NSD3: variants seen among roughly 807,000 people sequenced by gnomAD.
NSD3 encodes the protein nuclear receptor binding SET domain protein 3, also known as histone-lysine N-methyltransferase NSD3.
A neutral mutation model predicts 160.8 loss-of-function variants in NSD3; 24 were observed. That is an observed-to-expected ratio of 0.15 (90% CI 0.11 to 0.21). NSD3 has a LOEUF of 0.21. NSD3 is among the 10% of genes least tolerant of loss of function. The pLI is 1.00. For synonymous variants in NSD3, 520 were observed against 600.0 expected, an observed-to-expected ratio of 0.87 and a Z score of 1.95; for missense variants, 1,157 against 1,735.9, an observed-to-expected ratio of 0.67 and a Z score of 5.93.
intron 6 of NSD3, among the ~76,000 whole-genome samples, chr8:38,328,791 A>G (rs1809975338): frequency 6.6e-6 from 1 of 152,210 alleles, no homozygotes; most frequent in Non-Finnish European, 1.5e-5. Context: ...ATGGAGGCCC[A>G]GGACAAACTG....
chr8:38,289,444 G>A lies in NSD3; in HGVS notation c.3180C>T (p.Ala1060=). 6.2e-7 allele frequency: 1 copy of A among 1,613,662 alleles called. No homozygotes were observed. The highest frequency in any genetic ancestry group is 8.5e-7 in the Non-Finnish European group (1 of 1,179,886). ...ELKAQRESKE[A]LEIEKNSRKP... ...TTCTTGAGTTTTTTTCAATCTCTAG[G>A]GCTTCTTTACTTTCTCTTTGTGCTT... The change falls in exon 18 of 24, where the codon GCC becomes GCT. Residue 1060 remains alanine, a synonymous_variant. Coordinates refer to ENST00000317025, the MANE Select transcript of NSD3 (RefSeq NM_023034.2).
At position 38,281,542 on chromosome 8, in the gene NSD3, T is replaced by A. The variant is rs766776170; in HGVS notation, c.3543A>T (p.Glu1181Asp). 4.4e-6 allele frequency: 7 copies of A among 1,607,940 alleles called. No homozygotes were observed. Among genetic ancestry groups the A allele is most frequent in the Non-Finnish European group, 5.9e-6 (7 of 1,176,912 alleles). ...VNEYVGELID[E>D]EECRLRIKRA... Reference sequence around the variant, plus strand: ...GCTTGATTCGCAATCTGCATTCTTCTTCATCAATTAATTCACCGACGTATT... The same window carrying A: ...GCTTGATTCGCAATCTGCATTCTTCATCATCAATTAATTCACCGACGTATT... Residue 1181 changes from glutamate (E) to aspartate (D), a missense_variant, in exon 20 of 24, where the codon GAA (glutamate) becomes GAT (aspartate). Around this residue, in one of 10 missense-constraint regions of NSD3, gnomAD observed 222 missense variants for 409.9 expected, o/e 0.54. Transcript: ENST00000317025.
intron 2 of NSD3, among the ~76,000 whole-genome samples, chr8:38,343,528 C>A (rs1371705006): frequency 6.6e-6 from 1 of 151,998 alleles, no homozygotes; most frequent in Admixed American, 6.6e-5. Context: ...CATAATGAAA[C>A]CCCATCTCTA....
At chr8:38,281,365 C>A in intron 20 of NSD3, 102 bp downstream of exon 20, 1 of 567,382 alleles carries the variant, frequency 1.8e-6, no homozygotes, top group Non-Finnish European at 2.8e-6. Context: ...TATGCTCTGC[C>A]TGAAGAAAAA....
At chr8:38,333,152 A>G (rs1427830631) in intron 4 of NSD3, among the ~76,000 whole-genome samples, 1 of 152,240 alleles carries the variant, frequency 6.6e-6, no homozygotes, top group East Asian at 1.9e-4. Context: ...ATGTTTCCAA[A>G]CATCAGAGTT....
In NSD3 at chr8:38,331,612, T is replaced by C. The variant is rs547229618; in HGVS notation, c.911-27A>G. 76 of 1,609,074 alleles carry C rather than the reference T, an allele frequency of 4.7e-5. No homozygotes were observed. The South Asian group carries it at 7.7e-4, about 16-fold the overall frequency. ...TGTAAGTAAAAATTCTTATTAACCA[T>C]TTCAGAACATAAGCATTCACATCTA... On this transcript the variant is annotated intron_variant, in intron 4 of 23. Transcript: ENST00000317025.
intron 1 of NSD3, among the ~76,000 whole-genome samples, chr8:38,357,735 C>A (rs1351951235): frequency 6.6e-6 from 1 of 152,100 alleles, no homozygotes; most frequent in Admixed American, 6.6e-5. Context: ...CTCTTGGAAC[C>A]TAACTCAAAG....
intron 1 of NSD3, among the ~76,000 whole-genome samples, chr8:38,359,646 C>G (rs1266764757): frequency 6.6e-6 from 1 of 152,236 alleles, no homozygotes; most frequent in African/African-American, 2.4e-5. Flanking sequence ...AGGATCTAAT[C>G]TAGCCCTCAC....
intron 8 of NSD3, 164 bp downstream of exon 8, chr8:38,320,908 G>A (rs1269896309): frequency 2.0e-6 from 1 of 505,840 alleles, no homozygotes; most frequent in Non-Finnish European, 3.4e-6. Flanking sequence ...CACAGGGATG[G>A]CTGTATTAAA....
chr8:38,327,611 C>A lies in NSD3; in HGVS notation c.1582-755G>T, dbSNP rs116280996. 5.9e-3 allele frequency among the ~76,000 whole-genome samples: 898 copies of A among 152,246 alleles called. 8 individuals carry two copies. Among genetic ancestry groups the A allele is most frequent in the African/African-American group, 0.02 (847 of 41,550 alleles). On this transcript the variant is annotated intron_variant, in intron 6 of 23. Transcript: ENST00000317025. The stretch of plus-strand genomic sequence containing the variant: ...GTGATAAATGTCACTAAAAAATATA[C>A]CTGTATCACTCAATTTTCTATAAAA...
chr8:38,324,659 T>C (rs976766710), intron 7 of NSD3, among the ~76,000 whole-genome samples: 3 of 152,162 alleles, frequency 2.0e-5, no homozygotes, highest in Admixed American at 6.5e-5. Flanking sequence ...ATTTCCTGCA[T>C]AATATAAGTG....
In NSD3 at chr8:38,317,015, A is replaced by C; in HGVS notation, c.1856-973T>G. 4 of 1,059,480 alleles carry C rather than the reference A, an allele frequency of 3.8e-6. No homozygotes were observed. Among genetic ancestry groups the C allele is most frequent in the Non-Finnish European group, 4.6e-6 (4 of 875,636 alleles). The allele number at this position is 1,059,480 out of a possible 1,614,324, so 65.6% of individuals were successfully genotyped here. On this transcript the variant is annotated intron_variant, in intron 9 of 23. Transcript: ENST00000317025. This position sits in a 1 kb window ranked among gnomAD's most constrained non-coding sequence, Gnocchi z 5.3. ...GTTTGTGTTTTGGATTTTTTCCCCC[A>C]AAATTTCCATACAACAAACAGACAT...
intron 2 of NSD3, among the ~76,000 whole-genome samples, chr8:38,342,157 T>C (rs910213608): frequency 2.0e-5 from 3 of 152,214 alleles, no homozygotes; most frequent in Non-Finnish European, 2.9e-5. Context: ...GAGGATTTAT[T>C]CTAAGCTTTC....
chr8:38,332,421 G>A (rs753504335), intron 4 of NSD3, among the ~76,000 whole-genome samples: 9 of 152,162 alleles, frequency 5.9e-5, no homozygotes, highest in Non-Finnish European at 1.0e-4. Context: ...ACAGGTGTGA[G>A]CCACTGCGCC....
chr8:38,331,658 T>C (rs759928647), intron 4 of NSD3, 73 bp from the exon 5 acceptor site: 77 of 1,521,736 alleles, frequency 5.1e-5, no homozygotes, highest in Admixed American at 7.5e-5. Flanking sequence ...AATGGGAATC[T>C]AACCCAGGTT....
At chr8:38,379,279 A>G (rs1811480975) in intron 1 of NSD3, among the ~76,000 whole-genome samples, 1 of 151,954 alleles carries the variant, frequency 6.6e-6, no homozygotes, top group African/African-American at 2.4e-5. Flanking sequence ...CTGCATACAT[A>G]AAAATAAACT....
chr8:38,376,096 A>AT (rs1009098698), intron 1 of NSD3, among the ~76,000 whole-genome samples: 8 of 151,590 alleles, frequency 5.3e-5, no homozygotes, highest in Non-Finnish European at 1.0e-4. Flanking sequence ...CAATGTCTCT[A>AT]TTTTTTTTCC....
rs1304246164 is a variant in NSD3, at chr8:38,288,471, C to G, written c.3501+16G>C. 1.9e-6 allele frequency: 3 copies of G among 1,611,614 alleles called. No individual in the cohort carries two copies. In the African/African-American group the frequency reaches 4.0e-5, roughly 22 times the overall value. On this transcript the variant is annotated intron_variant, in intron 19 of 23. Coordinates refer to ENST00000317025, the MANE Select transcript of NSD3 (RefSeq NM_023034.2). This position sits in a 1 kb window ranked among gnomAD's most constrained non-coding sequence, Gnocchi z 4.5. ...GGTTCTGGTCTCTTCCACCCCCCAC[C>G]ACCATCCCATGCTACCTTCTTAATG...
chr8:38,301,398 A>C (rs1809272869), intron 14 of NSD3, among the ~76,000 whole-genome samples: 1 of 152,172 alleles, frequency 6.6e-6, no homozygotes, highest in South Asian at 2.1e-4. Context: ...ACCAACATGG[A>C]AAAACCCCAT....
Sources: allele counts gnomAD v4.1 joint callset (sites outside exome capture counted in the v4.1 genomes callset), GRCh38; gene constraint gnomAD v4.1.1; regional missense constraint gnomAD v4.1.1; non-coding constraint Gnocchi (gnomAD v3.1); transcripts MANE v1.5; gene names NCBI Gene and HGNC (gene_info 2026-07-23, HGNC 2026-07-21).